Variants in SALL2 observed in about 807,000 individuals in gnomAD.
SALL2 encodes spalt like transcription factor 2.
Under a neutral mutation model 58.5 loss-of-function variants are expected in SALL2, and 32 were observed. That is an observed-to-expected ratio of 0.55 (90% CI 0.41 to 0.74). SALL2 has a LOEUF of 0.74. SALL2 is among the 30% of genes least tolerant of loss of function. SALL2 has a pLI of 0.00. For synonymous variants in SALL2, 516 were observed against 513.6 expected (o/e 1.00, Z -0.06); for missense variants, 1,201 against 1,268.9 (o/e 0.95, Z 0.81).
chr14:21,523,518 G>C lies in SALL2; in HGVS notation c.2204C>G (p.Ser735Cys). Residue 735 changes from serine to cysteine, a missense_variant, in exon 2 of 2, where the codon TCC becomes TGC. This residue lies in a region of SALL2 where 675 missense variants were observed against 683.8 expected (regional missense o/e 0.99). Transcript: ENST00000537235. This position sits in a 1 kb window ranked among gnomAD's most constrained non-coding sequence, Gnocchi z 4.4. Reference protein sequence around the residue: ...EGGGAAQENGSEQSTVSGARS... With the variant: ...EGGGAAQENGCEQSTVSGARS... ...TGCCCCGGAGACTGTAGATTGCTCG[G>C]AGCCATTCTCCTGAGCAGCTCCTCC... The C allele has an allele frequency of 6.2e-7, 1 of 1,614,174 alleles. No individual in the cohort carries two copies. The highest frequency in any genetic ancestry group is 8.5e-7 in the Non-Finnish European group (1 of 1,180,036).
At chr14:21,536,648 CAG>C (rs1892604360) in intron 1 of SALL2, among the ~76,000 whole-genome samples, 1 of 152,216 alleles carries the variant, frequency 6.6e-6, no homozygotes, top group South Asian at 2.1e-4. Flanking sequence ...AAAACACAAA[CAG>C]AATCAATCCC....
At position 21,526,241 on chromosome 14, in the gene SALL2, G is replaced by A; in HGVS notation, c.-114C>T. The A allele has an allele frequency of 6.8e-7, 1 of 1,460,630 alleles. No homozygotes were observed. Among genetic ancestry groups the A allele is most frequent in the Non-Finnish European group, 9.0e-7 (1 of 1,108,850 alleles). 90.5% of individuals were successfully genotyped at this position (1,460,630 alleles called of 1,614,324 possible). A position where few individuals can be genotyped will look rare whatever the true frequency, so the allele number is the denominator to read the frequency against. ...CTCTGCACCCAGCGGCCCAGACTGC[G>A]GAGATGGAGATCGGCAGCGGCGGGG... On this transcript the variant is annotated 5_prime_UTR_variant, in exon 1 of 2. Transcript: ENST00000537235.
chr14:21,530,280 TC>T (rs1892424111), upstream of SALL2, among the ~76,000 whole-genome samples: 6 of 133,400 alleles, frequency 4.5e-5, no homozygotes, highest in African/African-American at 1.2e-4. Context: ...TTTTTTTCTT[TC>T]TTTTTTTTTT....
rs764185820 is a variant in SALL2 at position 21,524,363 on chromosome 14, G to C, written c.1359C>G (p.Ser453=). 1 of 1,614,160 alleles carries C rather than the reference G, an allele frequency of 6.2e-7. No individual in the cohort carries two copies. Among genetic ancestry groups the C allele is most frequent in the African/African-American group, 1.3e-5 (1 of 75,054 alleles). The change falls in exon 2 of 2, where the codon TCC becomes TCG. Residue 453 remains serine, a synonymous_variant. Coordinates refer to ENST00000537235, the MANE Select transcript of SALL2 (RefSeq NM_001364564.1). ...CCTCCTCGGCCTTCTCTGGTGGCACGGACATACCATAAGGCAAGCCACTGC... is the reference window on the plus strand; with the variant it reads ...CCTCCTCGGCCTTCTCTGGTGGCACCGACATACCATAAGGCAAGCCACTGC... ...ITSSGLPYGM[S]VPPEKAEEEA... is the part of the protein sequence containing the mutation.
In SALL2 at chr14:21,522,784, G is replaced by A. The variant is rs891757703; in HGVS notation, c.2938C>T (p.Leu980=). The A allele has an allele frequency of 1.9e-6, 3 of 1,594,546 alleles. No individual in the cohort carries two copies. The highest frequency in any genetic ancestry group is 1.7e-6 in the Non-Finnish European group (2 of 1,171,790). The change falls in exon 2 of 2, where the codon CTA becomes TTA. Residue 980 remains leucine, a synonymous_variant. Transcript: ENST00000537235. ...ATGGAAGGCGAACAGCCAGGGACTA[G>A]AGAAAGAGCAGCAATATTCTGAGGG... is the stretch of plus-strand genomic sequence containing the variant. ...HGPQNIAALS[L]VPGCSPSITS... is the part of the protein sequence containing the mutation.
Position 21,526,244 on chromosome 14 carries a change from G to A in SALL2, c.-117C>T. ...TGCACCCAGCGGCCCAGACTGCGGA[G>A]ATGGAGATCGGCAGCGGCGGGGGCA... On this transcript the variant is annotated 5_prime_UTR_variant, in exon 1 of 2. Transcript: ENST00000537235. The A allele has an allele frequency of 6.9e-7, 1 of 1,458,038 alleles. No individual in the cohort carries two copies. Among genetic ancestry groups the A allele is most frequent in the Non-Finnish European group, 9.0e-7 (1 of 1,107,788 alleles). The allele number at this position is 1,458,038 out of a possible 1,614,324, so 90.3% of individuals were successfully genotyped here. A position where few individuals can be genotyped will look rare whatever the true frequency, so the allele number is the denominator to read the frequency against.
At chr14:21,531,007 A>C (rs765551618), upstream of SALL2, among the ~76,000 whole-genome samples, 5 of 152,210 alleles carry the variant, frequency 3.3e-5, no homozygotes, top group Non-Finnish European at 5.9e-5. Flanking sequence ...TTCTTAGGGA[A>C]ATATCTCATC....
intron 1 of SALL2, among the ~76,000 whole-genome samples, chr14:21,531,542 G>A (rs1892460467): frequency 6.6e-6 from 1 of 152,086 alleles, no homozygotes; most frequent in Non-Finnish European, 1.5e-5. Flanking sequence ...TAGTAGCTGG[G>A]ATTACAGGCA....
chr14:21,526,026 C>G, intron 1 of SALL2, 35 bp downstream of exon 1: 1 of 1,457,130 alleles, frequency 6.9e-7, no homozygotes, highest in Non-Finnish European at 9.3e-7. Flanking sequence ...CCCCTCCGCC[C>G]CCACCCCTGC....
At position 21,524,088 on chromosome 14, in the gene SALL2, C is replaced by G. The variant is rs775042099; in HGVS notation, c.1634G>C (p.Arg545Pro). Residue 545 changes from arginine (R) to proline (P), a missense_variant, in exon 2 of 2, where the codon CGC becomes CCC. Transcript: ENST00000537235. ...SGVAESSTATRMQLSKLVTSL... is the reference protein window; with the variant it reads ...SGVAESSTATPMQLSKLVTSL... Reference sequence around the variant, plus strand: ...AGTCACCAACTTACTTAGTTGCATGCGAGTTGCCGTGCTACTTTCTGCCAC... The same window carrying G: ...AGTCACCAACTTACTTAGTTGCATGGGAGTTGCCGTGCTACTTTCTGCCAC... 1 of 1,614,014 alleles carries G rather than the reference C, an allele frequency of 6.2e-7. No homozygotes were observed. Among genetic ancestry groups the G allele is most frequent in the Non-Finnish European group, 8.5e-7 (1 of 1,179,940 alleles).
chr14:21,529,273 C>CG (rs1445016856), upstream of SALL2, among the ~76,000 whole-genome samples: 3 of 152,004 alleles, frequency 2.0e-5, no homozygotes, highest in Admixed American at 6.6e-5. Flanking sequence ...ATGCAAAGTC[C>CG]GGGGTGGGAC....
chr14:21,531,033 C>T (rs1477499522), upstream of SALL2, among the ~76,000 whole-genome samples: 1 of 152,226 alleles, frequency 6.6e-6, no homozygotes, highest in East Asian at 1.9e-4. Flanking sequence ...CTCCTTACTC[C>T]TCTTTCCTAA....
chr14:21,522,765 G>A lies in SALL2; in HGVS notation c.2957C>T (p.Pro986Leu). The part of the protein sequence containing the change: ...AALSLVPGCS[P>L]SITSTGLSPF... ...GGAGAGCCCTGTGGAGGTGATGGAA[G>A]GCGAACAGCCAGGGACTAGAGAAAG... The change falls in exon 2 of 2, where the codon CCT becomes CTT. Residue 986 changes from proline (P) to leucine (L), a missense_variant. Pro to Leu is a moderately conservative substitution (Grantham distance 98, BLOSUM62 -3). This residue lies in a region of SALL2 where 675 missense variants were observed against 683.8 expected (regional missense o/e 0.99). Coordinates refer to ENST00000537235, the MANE Select transcript of SALL2 (RefSeq NM_001364564.1). 2 of 1,569,536 alleles carry A rather than the reference G, an allele frequency of 1.3e-6. No individual in the cohort carries two copies. The highest frequency in any genetic ancestry group is 1.7e-6 in the Non-Finnish European group (2 of 1,160,906).
At chr14:21,535,644 AC>A (rs1391275651) in intron 1 of SALL2, among the ~76,000 whole-genome samples, 1 of 152,238 alleles carries the variant, frequency 6.6e-6, no homozygotes, top group African/African-American at 2.4e-5. Flanking sequence ...GGCAAAATAA[AC>A]CAGCCAAGGT....
chr14:21,523,441 A>ACTCCTCTTCTTC lies in SALL2; in HGVS notation c.2280_2281insGAAGAAGAGGAG (p.Leu760_Ser761insGluGluGluGlu). On this transcript the variant is annotated inframe_insertion, in exon 2 of 2. Coordinates refer to ENST00000537235, the MANE Select transcript of SALL2 (RefSeq NM_001364564.1). The surrounding 1 kb of genome is among the most constrained non-coding windows in gnomAD (Gnocchi z 4.4). ...TCATCCTCCTCTTCCTCCTCCTCAG[A>ACTCCTCTTCTTC]CAACTCCTCTTCCGGTGATGGCTGC... is the stretch of plus-strand genomic sequence containing the variant. 1 of 1,613,788 alleles carries ACTCCTCTTCTTC rather than the reference A, an allele frequency of 6.2e-7. No individual in the cohort carries two copies. Among genetic ancestry groups the ACTCCTCTTCTTC allele is most frequent in the Non-Finnish European group, 8.5e-7 (1 of 1,179,856 alleles).
upstream of SALL2, among the ~76,000 whole-genome samples, chr14:21,527,841 AG>A (rs1009939376): frequency 6.6e-6 from 1 of 150,616 alleles, no homozygotes; most frequent in African/African-American, 2.4e-5. Context: ...CAACATAGTG[AG>A]GCCCCATTAC....
upstream of SALL2, among the ~76,000 whole-genome samples, chr14:21,527,487 T>C (rs1412352724): frequency 6.6e-6 from 1 of 152,210 alleles, no homozygotes; most frequent in African/African-American, 2.4e-5. Flanking sequence ...CTTGGTTTTG[T>C]GGTTTCCCTG....
Position 21,536,862 on chromosome 14 carries a change from G to C in SALL2, c.-114+100C>G, listed in dbSNP as rs143233076. 7.4e-6 allele frequency: 12 copies of C among 1,614,016 alleles called. No individual in the cohort carries two copies. The East Asian group carries it at 2.7e-4, about 36-fold the overall frequency. Reference sequence around the variant, plus strand: ...CCAGGCACCCACCGTTCTCAGACGCGCTGGGACCTTCGCAGTCCGAGATTA... The same window carrying C: ...CCAGGCACCCACCGTTCTCAGACGCCCTGGGACCTTCGCAGTCCGAGATTA... On this transcript the variant is annotated intron_variant, in intron 1 of 1. Transcript: ENST00000541965.
intron 1 of SALL2, among the ~76,000 whole-genome samples, chr14:21,532,594 C>T (rs1190537960): frequency 2.6e-5 from 4 of 151,266 alleles, no homozygotes; most frequent in African/African-American, 9.7e-5. Flanking sequence ...TGAGCCGAGA[C>T]GTGCCACTGC....
Sources: gnomAD v4.1 joint callset for allele counts (sites outside exome capture counted in the v4.1 genomes callset) on GRCh38, gnomAD v4.1.1 for gene constraint, gnomAD v4.1.1 regional missense constraint, Gnocchi (gnomAD v3.1) non-coding constraint, MANE v1.5 for transcripts, NCBI Gene and HGNC (gene_info 2026-07-23, HGNC 2026-07-21) for gene names.